Variants in NCAPD2 observed in about 807,000 individuals in gnomAD.
NCAPD2 encodes condensin complex subunit 1.
A neutral mutation model predicts 164.5 loss-of-function variants in NCAPD2; 100 were observed. The observed-to-expected ratio is 0.61, with a 90% CI of 0.52 to 0.72. The LOEUF is 0.72. Among genes scored for constraint, NCAPD2 ranks in the 30% least tolerant of loss-of-function variants. The pLI, the probability that NCAPD2 is intolerant of heterozygous loss-of-function variation, is 0.00. For synonymous variants in NCAPD2, 585 were observed against 642.6 expected, an observed-to-expected ratio of 0.91 and a Z score of 1.36; for missense variants, 1,560 against 1,749.2, an observed-to-expected ratio of 0.89 and a Z score of 1.93.
chr12:6,524,071 T>G (rs1946293034), intron 17 of NCAPD2, among the ~76,000 whole-genome samples: 1 of 152,158 alleles, frequency 6.6e-6, no homozygotes, highest in Admixed American at 6.6e-5. Context: ...TTACAGCTAG[T>G]TAGTGGCAAA....
At chr12:6,506,530 C>T (rs570163785) in intron 2 of NCAPD2, among the ~76,000 whole-genome samples, 2 of 151,304 alleles carry the variant, frequency 1.3e-5, no homozygotes, top group South Asian at 4.2e-4. Context: ...GCAGAGCTTG[C>T]AGTGAGCCGA....
At position 6,510,141 on chromosome 12, in the gene NCAPD2, T is replaced by C. The variant is rs371140136; in HGVS notation, c.262+8T>C. 16 of 1,603,616 alleles carry C rather than the reference T, an allele frequency of 1.0e-5. No individual in the cohort carries two copies. The African/African-American group carries it at 2.0e-4, about 20-fold the overall frequency. ...TGCAATTCCTGATAAAAGGTGTTTATGGGTCAGGGGGTAGGGGATGGAAGG... is the reference window on the plus strand; with the variant it reads ...TGCAATTCCTGATAAAAGGTGTTTACGGGTCAGGGGGTAGGGGATGGAAGG... On this transcript the variant is annotated splice_region_variant and intron_variant, in intron 4 of 31. Coordinates refer to ENST00000315579, the MANE Select transcript of NCAPD2 (RefSeq NM_014865.4).
intron 6 of NCAPD2, 117 bp from the exon 7 acceptor site, chr12:6,514,148 C>T (rs1946177757): frequency 3.6e-6 from 5 of 1,379,592 alleles, no homozygotes; most frequent in Non-Finnish European, 5.0e-6. Flanking sequence ...AAAGTAATGG[C>T]TAGAATAAAG....
At chr12:6,516,766 C>T in intron 9 of NCAPD2, 62 bp from the exon 10 acceptor site, 1 of 1,549,590 alleles carries the variant, frequency 6.5e-7, no homozygotes, top group Non-Finnish European at 8.9e-7. Flanking sequence ...AAAGTTATGG[C>T]CAAGCACAAG....
At chr12:6,511,960 G>A (rs1188786697) in intron 6 of NCAPD2, among the ~76,000 whole-genome samples, 1 of 149,238 alleles carries the variant, frequency 6.7e-6, no homozygotes. Context: ...CTCCATCCTG[G>A]GCGACAAGAG....
rs568642279 is a variant in NCAPD2 at position 6,529,049 on chromosome 12, C to A, written c.3572+10C>A. Reference sequence around the variant, plus strand: ...TCCACACCATCATGAAGTATTGCTCCCCGGGCCCTGGGGCACATTTTCCAC... The same window carrying A: ...TCCACACCATCATGAAGTATTGCTCACCGGGCCCTGGGGCACATTTTCCAC... On this transcript the variant is annotated intron_variant, in intron 27 of 31. Transcript: ENST00000315579. The A allele has an allele frequency of 4.3e-6, 7 of 1,610,570 alleles. No homozygotes were observed. The highest frequency in any genetic ancestry group is 5.9e-6 in the Non-Finnish European group (7 of 1,178,578).
chr12:6,526,475 T>A lies in NCAPD2; in HGVS notation c.2594T>A (p.Ile865Asn), dbSNP rs1321850665. The A allele has an allele frequency of 6.2e-7, 1 of 1,614,078 alleles. No homozygotes were observed. Among genetic ancestry groups the A allele is most frequent in the South Asian group, 1.1e-5 (1 of 91,066 alleles). Residue 865 changes from isoleucine (I) to asparagine (N), a missense_variant, in exon 21 of 32, where the codon ATC becomes AAC. Ile to Asn is a moderately radical substitution (Grantham distance 149). Transcript: ENST00000315579. ...TTTGTCCACCCAGACCCACTCTGGA[T>A]CCCATTCAAAGAGGTGGCAGTGACC... ...KGFVHPDPLW[I>N]PFKEVAVTLI...
chr12:6,504,787 A>T (rs1280359048), intron 2 of NCAPD2, among the ~76,000 whole-genome samples: 1 of 152,224 alleles, frequency 6.6e-6, no homozygotes, highest in Non-Finnish European at 1.5e-5. Flanking sequence ...AGGAAAATAC[A>T]TGTTCAGTAT....
chr12:6,520,937 C>A lies in NCAPD2; in HGVS notation c.1590-49C>A, dbSNP rs752927145. On this transcript the variant is annotated intron_variant, in intron 13 of 31. Coordinates refer to ENST00000315579, the MANE Select transcript of NCAPD2 (RefSeq NM_014865.4). ...ATCATGAGGTAAGCTCCCTTACAAACGGCTGCAGTGACATTCTTCTGGGTA... is the reference window on the plus strand; with the variant it reads ...ATCATGAGGTAAGCTCCCTTACAAAAGGCTGCAGTGACATTCTTCTGGGTA... 6 of 1,610,722 alleles carry A rather than the reference C, an allele frequency of 3.7e-6. 1 individual carries two copies. In the South Asian group the frequency reaches 6.6e-5, roughly 18 times the overall value.
At chr12:6,505,811 G>A (rs1324156345) in intron 2 of NCAPD2, among the ~76,000 whole-genome samples, 1 of 151,000 alleles carries the variant, frequency 6.6e-6, no homozygotes, top group Non-Finnish European at 1.5e-5. Flanking sequence ...GTTGCAGTGA[G>A]CTGAGATTGT....
chr12:6,523,803 C>A (rs7316558), intron 17 of NCAPD2, among the ~76,000 whole-genome samples: 24,272 of 152,248 alleles, frequency 0.16, 2,250 homozygotes, highest in East Asian at 0.34. Context: ...AACCAACAGT[C>A]TAGTTGGTAG....
At position 6,528,244 on chromosome 12, in the gene NCAPD2, G is replaced by C. The variant is rs764438216; in HGVS notation, c.3215G>C (p.Arg1072Pro). The stretch of plus-strand genomic sequence containing the variant: ...GAAAAGTCTCCACTTCCCATTGTCC[G>C]GTCTAACCTCATGGTTGCCACTGGG... ...MLEKSPLPIV[R>P]SNLMVATGDL... is the part of the protein sequence containing the mutation. The change falls in exon 25 of 32, where the codon CGG (arginine) becomes CCG (proline). Residue 1072 changes from arginine to proline, a missense_variant. Coordinates refer to ENST00000315579, the MANE Select transcript of NCAPD2 (RefSeq NM_014865.4). This position sits in a 1 kb window ranked among gnomAD's most constrained non-coding sequence, Gnocchi z 5.1. The C allele has an allele frequency of 6.2e-7, 1 of 1,613,908 alleles. No homozygotes were observed. The highest frequency in any genetic ancestry group is 1.3e-5 in the African/African-American group (1 of 74,888).
At position 6,528,190 on chromosome 12, in the gene NCAPD2, C is replaced by T. The variant is rs1042057335; in HGVS notation, c.3161C>T (p.Ser1054Phe). 2 of 1,614,082 alleles carry T rather than the reference C, an allele frequency of 1.2e-6. No individual in the cohort carries two copies. The highest frequency in any genetic ancestry group is 1.3e-5 in the African/African-American group (1 of 74,930). ...GCTCTTAGTGCCACTTTCTGCGACT[C>T]CCAGCTTCGTCTTCTGTTCACCATG... ...FCMISATFCD[S>F]QLRLLFTMLE... Residue 1054 changes from serine to phenylalanine, a missense_variant, in exon 25 of 32, where the codon TCC (serine) becomes TTC (phenylalanine). Transcript: ENST00000315579. This position sits in a 1 kb window ranked among gnomAD's most constrained non-coding sequence, Gnocchi z 5.1.
At position 6,517,591 on chromosome 12, in the gene NCAPD2, G is replaced by T. The variant is rs753046581; in HGVS notation, c.1321-5G>T. The T allele has an allele frequency of 3.1e-6, 5 of 1,614,236 alleles. No homozygotes were observed. Among genetic ancestry groups the T allele is most frequent in the Non-Finnish European group, 4.2e-6 (5 of 1,180,036 alleles). On this transcript the variant is annotated splice_polypyrimidine_tract_variant and splice_region_variant and intron_variant, in intron 11 of 31. Coordinates refer to ENST00000315579, the MANE Select transcript of NCAPD2 (RefSeq NM_014865.4). ...ACTGACCCTGCTATTCATTTTACCT[G>T]ATAGCTTAGTGATGCTGACCTTGCC...
intron 2 of NCAPD2, among the ~76,000 whole-genome samples, chr12:6,507,356 T>C (rs112279435): frequency 6.6e-6 from 1 of 151,856 alleles, no homozygotes; most frequent in Non-Finnish European, 1.5e-5. Flanking sequence ...ACTTTGGGAG[T>C]GTTGGGAATA....
chr12:6,507,733 T>C (rs1442697585), intron 2 of NCAPD2, among the ~76,000 whole-genome samples: 5 of 151,996 alleles, frequency 3.3e-5, no homozygotes, highest in African/African-American at 1.2e-4. Flanking sequence ...AATAAAGAAA[T>C]AGTAATAAAG....
intron 13 of NCAPD2, among the ~76,000 whole-genome samples, chr12:6,520,631 T>G (rs924973380): frequency 6.6e-6 from 1 of 152,214 alleles, no homozygotes; most frequent in Non-Finnish European, 1.5e-5. Flanking sequence ...AATTAACTAA[T>G]TATTGAAAGT....
At chr12:6,517,213 T>A in intron 10 of NCAPD2, 152 bp from the exon 11 acceptor site, 1 of 1,293,100 alleles carries the variant, frequency 7.7e-7, no homozygotes, top group Non-Finnish European at 1.1e-6. Context: ...GTAATGTGTC[T>A]TACCACTACA....
intron 2 of NCAPD2, among the ~76,000 whole-genome samples, chr12:6,504,349 T>G (rs1946079316): frequency 6.6e-6 from 1 of 151,392 alleles, no homozygotes; most frequent in Non-Finnish European, 1.5e-5. Flanking sequence ...ACTTATAGCC[T>G]ACTGTTGACC....
Sources: allele counts gnomAD v4.1 joint callset (sites outside exome capture counted in the v4.1 genomes callset), GRCh38; gene constraint gnomAD v4.1.1; non-coding constraint Gnocchi (gnomAD v3.1); transcripts MANE v1.5; gene names NCBI Gene and HGNC (gene_info 2026-07-23, HGNC 2026-07-21).